Variants in SAMD3 observed in about 807,000 individuals in gnomAD.
SAMD3 encodes the protein sterile alpha motif domain-containing protein 3.
Under a neutral mutation model 58.5 loss-of-function variants are expected in SAMD3, and 63 were observed. The ratio of observed to expected loss-of-function variants is 1.08; its 90% CI spans 0.88 to 1.33. The LOEUF is 1.33. Ranked by LOEUF, SAMD3 falls within the 40% of genes most tolerant of loss-of-function variation. The probability of loss-of-function intolerance (pLI) is 0.00; values close to 1 mark genes in which losing one functional copy is unlikely to be tolerated. For synonymous variants in SAMD3, 220 were observed against 210.3 expected, an observed-to-expected ratio of 1.05 and a Z score of -0.40; for missense variants, 604 against 608.4, an observed-to-expected ratio of 0.99 and a Z score of 0.08.
chr6:130,216,310 C>A (rs1355004805), intron 2 of SAMD3, among the ~76,000 whole-genome samples: 1 of 151,968 alleles, frequency 6.6e-6, no homozygotes, highest in Admixed American at 6.6e-5. Flanking sequence ...CTTTACTTGG[C>A]AATTTCAAAT....
intron 1 of SAMD3, among the ~76,000 whole-genome samples, chr6:130,359,714 A>C (rs933120397): frequency 6.6e-6 from 1 of 152,224 alleles, no homozygotes; most frequent in African/African-American, 2.4e-5. Flanking sequence ...AACTGAATAT[A>C]ATGCCCAATA....
intron 9 of SAMD3, among the ~76,000 whole-genome samples, chr6:130,152,260 G>C (rs1304340663): frequency 1.3e-5 from 2 of 152,152 alleles, no homozygotes; most frequent in South Asian, 2.1e-4. Context: ...AGGTATTTGC[G>C]AGGTCAAACT....
At chr6:130,279,228 T>C (rs35798021) in intron 2 of SAMD3, among the ~76,000 whole-genome samples, 2,139 of 152,278 alleles carry the variant, frequency 0.014, 25 homozygotes, top group Non-Finnish European at 0.023. Context: ...AATATCATCT[T>C]AAATTGTCAT....
chr6:130,216,825 C>T (rs760792900), intron 1 of SAMD3, among the ~76,000 whole-genome samples: 10 of 152,118 alleles, frequency 6.6e-5, no homozygotes, highest in South Asian at 2.1e-4. Flanking sequence ...TCATTATTTG[C>T]GAGACTCTGG....
At chr6:130,304,650 C>T (rs1308097371) in intron 2 of SAMD3, among the ~76,000 whole-genome samples, 2 of 151,964 alleles carry the variant, frequency 1.3e-5, no homozygotes, top group Non-Finnish European at 2.9e-5. Flanking sequence ...GGCTCTTTTC[C>T]GGACTCTTGG....
intron 2 of SAMD3, among the ~76,000 whole-genome samples, chr6:130,304,371 T>C (rs1775845424): frequency 6.6e-6 from 1 of 152,188 alleles, no homozygotes; most frequent in South Asian, 2.1e-4. Context: ...GGTTTCACCA[T>C]GTTGGCCAGG....
At chr6:130,144,195 TCCAAGG>T (rs1392376395), downstream of SAMD3, 5 of 292,258 alleles carry the variant, frequency 1.7e-5, no homozygotes, top group Non-Finnish European at 3.2e-5. Flanking sequence ...CTGAATTCAG[TCCAAGG>T]CCATTCTCTA....
chr6:130,299,004 A>G (rs1015131937), intron 2 of SAMD3, among the ~76,000 whole-genome samples: 22 of 152,200 alleles, frequency 1.4e-4, no homozygotes, highest in Non-Finnish European at 3.1e-4. Context: ...CAGTGATCCA[A>G]TAACAGTGGG....
At chr6:130,205,878 A>G (rs988172015) in intron 5 of SAMD3, among the ~76,000 whole-genome samples, 1 of 152,204 alleles carries the variant, frequency 6.6e-6, no homozygotes, top group Non-Finnish European at 1.5e-5. Flanking sequence ...AGAGGAAGAG[A>G]ACCATACACC....
intron 2 of SAMD3, among the ~76,000 whole-genome samples, chr6:130,253,215 A>C (rs1773803069): frequency 6.6e-6 from 1 of 152,166 alleles, no homozygotes. Flanking sequence ...TGGTAGAAGT[A>C]ATTTGAAATA....
intron 6 of SAMD3, 28 bp from the exon 7 acceptor site, chr6:130,184,215 T>G (rs1430337724): frequency 2.5e-6 from 4 of 1,569,474 alleles, no homozygotes; most frequent in Non-Finnish European, 3.5e-6. Context: ...GAGGATATGT[T>G]TCACTTCAAG....
chr6:130,294,909 A>ATTTTTTTTTTTTTTTTTTTTTT lies in SAMD3; in HGVS notation c.-188+18047_-188+18068dup, dbSNP rs774036634. 2.0e-4 allele frequency among the ~76,000 whole-genome samples: 11 copies of ATTTTTTTTTTTTTTTTTTTTTT among 56,150 alleles called. 1 individual carries two copies. Among genetic ancestry groups the ATTTTTTTTTTTTTTTTTTTTTT allele is most frequent in the Non-Finnish European group, 3.6e-4 (11 of 30,230 alleles). The allele number at this position is 56,150 out of a possible 152,430, so 36.8% of individuals were successfully genotyped here. A position where few individuals can be genotyped will look rare whatever the true frequency, so the allele number is the denominator to read the frequency against. ...TCTAATTTTTCCATACATTTCTCTG[A>ATTTTTTTTTTTTTTTTTTTTTT]TTTTTTTTTTTTTTTTTTTTTTTTT... On this transcript the variant is annotated intron_variant, in intron 2 of 13. Coordinates refer to the SAMD3 transcript ENST00000368134.
chr6:130,223,008 GAC>G (rs1796280900), upstream of SAMD3: 1 of 152,228 alleles, frequency 6.6e-6, no homozygotes, highest in Non-Finnish European at 1.5e-5. Flanking sequence ...GTGGATCTCA[GAC>G]AGCTAACGTT....
At chr6:130,305,322 G>T (rs4092606) in intron 2 of SAMD3, among the ~76,000 whole-genome samples, 66,721 of 151,898 alleles carry the variant, frequency 0.44, 16,717 homozygotes, top group African/African-American at 0.69. Flanking sequence ...TATATATTCT[G>T]TGGGTTTTAT....
intron 2 of SAMD3, among the ~76,000 whole-genome samples, chr6:130,299,228 T>C (rs1490780283): frequency 1.3e-5 from 2 of 152,112 alleles, no homozygotes; most frequent in Non-Finnish European, 2.9e-5. Flanking sequence ...AGAATCTCAG[T>C]ACATTTTTAA....
At chr6:130,341,607 AGAACTTT>A (rs1318005144) in intron 1 of SAMD3, among the ~76,000 whole-genome samples, 4 of 152,226 alleles carry the variant, frequency 2.6e-5, no homozygotes, top group African/African-American at 9.6e-5. Context: ...GTTTGCAGTG[AGAACTTT>A]GACAATGAGG....
chr6:130,307,719 TA>T (rs1775954842), intron 2 of SAMD3, among the ~76,000 whole-genome samples: 1 of 152,240 alleles, frequency 6.6e-6, no homozygotes, highest in Admixed American at 6.5e-5. Flanking sequence ...CAAGTTAGAA[TA>T]AGCTTTTAAA....
chr6:130,327,790 C>T (rs1776802582), intron 1 of SAMD3, among the ~76,000 whole-genome samples: 1 of 152,106 alleles, frequency 6.6e-6, no homozygotes, highest in African/African-American at 2.4e-5. Context: ...CATTTTAATA[C>T]TCAGAAGAAT....
intron 1 of SAMD3, among the ~76,000 whole-genome samples, chr6:130,217,544 A>G (rs1796066416): frequency 1.2e-4 from 19 of 152,234 alleles, no homozygotes; most frequent in Admixed American, 1.2e-3. Context: ...TAAAGCCAAG[A>G]AGAGGTAAGA....
Sources: gnomAD v4.1 joint callset for allele counts (sites outside exome capture counted in the v4.1 genomes callset) on GRCh38, gnomAD v4.1.1 for gene constraint, MANE v1.5 for transcripts, NCBI Gene and HGNC (gene_info 2026-07-23, HGNC 2026-07-21) for gene names.